The following NAF1 variants were observed in gnomAD, a reference collection of about 807,000 sequenced individuals.
NAF1 encodes nuclear assembly factor 1 ribonucleoprotein.
Under a neutral mutation model 40.6 loss-of-function variants are expected in NAF1, and 11 were observed. That is an observed-to-expected ratio of 0.27 (90% CI 0.17 to 0.45). The LOEUF is 0.45. NAF1 is among the 20% of genes least tolerant of loss of function. The pLI is 1.00. For missense variants in NAF1, 607 were observed against 611.1 expected (o/e 0.99, Z 0.07); for synonymous variants, 260 against 228.5 (o/e 1.14, Z -1.24).
At chr4:163,107,355 T>C (rs969079258), downstream of NAF1, among the ~76,000 whole-genome samples, 2 of 152,214 alleles carry the variant, frequency 1.3e-5, no homozygotes, top group African/African-American at 4.8e-5. Context: ...AGCAAGTCTC[T>C]ATGTGTACTT....
rs1368557463 is a variant in NAF1 at position 163,128,987 on chromosome 4, T to G, written c.1395A>C (p.Pro465=). 4 of 1,523,952 alleles carry G rather than the reference T, an allele frequency of 2.6e-6. No homozygotes were observed. The East Asian group carries it at 7.1e-5, about 27-fold the overall frequency. The allele number at this position is 1,523,952 out of a possible 1,614,324, so 94.4% of individuals were successfully genotyped here. ...NMAAHPLLNL[P]YSLPPPPPPP... ...GGGGAGGGGGTGGGGGTAGGGAGTA[T>G]GGTAAGTTAAGTAATGGATGAGCAG... The change falls in exon 8 of 8, where the codon CCA becomes CCC. Residue 465 remains proline, a synonymous_variant. Coordinates refer to ENST00000274054, the MANE Select transcript of NAF1 (RefSeq NM_138386.3).
intron 2 of NAF1, among the ~76,000 whole-genome samples, chr4:163,161,147 G>T (rs1221075725): frequency 6.6e-6 from 1 of 151,966 alleles, no homozygotes; most frequent in Non-Finnish European, 1.5e-5. Context: ...TAGAGCCAGA[G>T]ATACTGAAAT....
Position 163,166,880 on chromosome 4 carries a change from C to G in NAF1, c.-153G>C. 1 of 995,668 alleles carries G rather than the reference C, an allele frequency of 1.0e-6. No individual in the cohort carries two copies. Among genetic ancestry groups the G allele is most frequent in the Non-Finnish European group, 1.4e-6 (1 of 700,600 alleles). The allele number at this position is 995,668 out of a possible 1,614,324, so 61.7% of individuals were successfully genotyped here. A position where few individuals can be genotyped will look rare whatever the true frequency, so the allele number is the denominator to read the frequency against. ...TCTCAGGTAACTACACGCGGAGGAG[C>G]CAAAAGACACGCCCCCGCCATTTAC... is the stretch of plus-strand genomic sequence containing the variant. On this transcript the variant is annotated 5_prime_UTR_variant, in exon 1 of 8. Transcript: ENST00000274054.
At chr4:163,164,003 T>C (rs1310613976) in intron 2 of NAF1, among the ~76,000 whole-genome samples, 2 of 152,104 alleles carry the variant, frequency 1.3e-5, no homozygotes, top group African/African-American at 4.8e-5. Flanking sequence ...TCGGAACAAT[T>C]ATCAAAGGTC....
In NAF1 at chr4:163,129,189, G is replaced by A; in HGVS notation, c.1193C>T (p.Ser398Leu). ...AGTCTCCTGAGATACCATATGTTCT[G>A]AGTTATAGAAATGCTGAGGTGGAGG... is the stretch of plus-strand genomic sequence containing the variant. ...GRPPPQHFYN[S>L]EHMVSQETSG... Residue 398 changes from serine (S) to leucine (L), a missense_variant, in exon 8 of 8, where the codon TCA becomes TTA. Transcript: ENST00000274054. 1.2e-6 allele frequency: 2 copies of A among 1,613,892 alleles called. No individual in the cohort carries two copies. Among genetic ancestry groups the A allele is most frequent in the African/African-American group, 1.3e-5 (1 of 75,044 alleles).
Position 163,129,048 on chromosome 4 carries a change from G to T in NAF1, c.1334C>A (p.Pro445Gln), listed in dbSNP as rs776473243. Residue 445 changes from proline (P) to glutamine (Q), a missense_variant, in exon 8 of 8, where the codon CCA becomes CAA. Pro to Gln is a moderately conservative substitution (Grantham distance 76, BLOSUM62 -1). Coordinates refer to ENST00000274054, the MANE Select transcript of NAF1 (RefSeq NM_138386.3). ...TGTAGCCCAACCCATGTTTACAGGTGGGGGTGGTGGTGGGGGTGGAGGGCG... is the reference window on the plus strand; with the variant it reads ...TGTAGCCCAACCCATGTTTACAGGTTGGGGTGGTGGTGGGGGTGGAGGGCG... ...PLRPPPPPPP[P>Q]PVNMGWATPN... 26 of 1,538,682 alleles carry T rather than the reference G, an allele frequency of 1.7e-5. No individual in the cohort carries two copies. Among genetic ancestry groups the T allele is most frequent in the South Asian group, 3.6e-5 (3 of 83,752 alleles).
In NAF1 at chr4:163,166,433, G is replaced by A. The variant is rs758040980; in HGVS notation, c.295C>T (p.Pro99Ser). ...GCCCGCGCAGGCTCTGCGGCTCCTG[G>A]GGAGGTGACGCAGTCTCCGCAGGCC... is the stretch of plus-strand genomic sequence containing the variant. ...SPACGDCVTS[P>S]GAAEPARAPD... Residue 99 changes from proline (P) to serine (S), a missense_variant, in exon 1 of 8, where the codon CCA (proline) becomes TCA (serine). Around this residue, in one of 3 missense-constraint regions of NAF1, gnomAD observed 407 missense variants for 365.5 expected, o/e 1.11. Coordinates refer to ENST00000274054, the MANE Select transcript of NAF1 (RefSeq NM_138386.3). 9.3e-6 allele frequency: 15 copies of A among 1,607,962 alleles called. No homozygotes were observed. Among genetic ancestry groups the A allele is most frequent in the African/African-American group, 1.3e-5 (1 of 74,868 alleles).
At chr4:163,166,107 T>C (rs1732449609) in intron 1 of NAF1, among the ~76,000 whole-genome samples, 1 of 152,276 alleles carries the variant, frequency 6.6e-6, no homozygotes, top group Middle Eastern at 3.4e-3. Flanking sequence ...TGATACGATC[T>C]ATACATAGAA....
chr4:163,147,327 T>G (rs546431980), intron 3 of NAF1, among the ~76,000 whole-genome samples: 2 of 152,268 alleles, frequency 1.3e-5, no homozygotes, highest in Non-Finnish European at 2.9e-5. Context: ...TGACTTGAAT[T>G]TTTCTGTTTC....
At chr4:163,124,372 A>G (rs545791329), downstream of NAF1, among the ~76,000 whole-genome samples, 2 of 152,126 alleles carry the variant, frequency 1.3e-5, no homozygotes. Flanking sequence ...AGCAAAATGG[A>G]TCTAAGCCAG....
At chr4:163,139,271 G>T (rs148402692) in intron 5 of NAF1, among the ~76,000 whole-genome samples, 3 of 152,142 alleles carry the variant, frequency 2.0e-5, no homozygotes, top group African/African-American at 7.2e-5. Flanking sequence ...TATCGCCTAG[G>T]TTTTAAGTCT....
chr4:163,120,887 G>C (rs576193148), intron 2 of NAF1, among the ~76,000 whole-genome samples: 1 of 151,794 alleles, frequency 6.6e-6, no homozygotes, highest in Non-Finnish European at 1.5e-5. Context: ...CAAGTCCTTT[G>C]GTCTGATTTA....
intron 1 of NAF1, 29 bp downstream of exon 1, chr4:163,166,334 C>T (rs977039159): frequency 1.3e-6 from 2 of 1,550,038 alleles, no homozygotes; most frequent in Non-Finnish European, 8.7e-7. Context: ...GACCTCTCCC[C>T]ACAGCTCCGG....
intron 2 of NAF1, among the ~76,000 whole-genome samples, chr4:163,157,897 C>A (rs922570030): frequency 1.1e-4 from 17 of 151,984 alleles, no homozygotes; most frequent in African/African-American, 3.6e-4. Context: ...TCAAAAGTGG[C>A]CCTCTGAAAA....
At chr4:163,125,034 T>A (rs554060056), downstream of NAF1, among the ~76,000 whole-genome samples, 21 of 152,282 alleles carry the variant, frequency 1.4e-4, 1 homozygote, top group African/African-American at 5.1e-4. Flanking sequence ...GATGTTACTA[T>A]TGTTTTGGAG....
intron 2 of NAF1, among the ~76,000 whole-genome samples, chr4:163,116,287 TACC>T (rs1405275505): frequency 3.5e-4 from 53 of 152,328 alleles, no homozygotes; most frequent in African/African-American, 1.1e-3. Flanking sequence ...ATGAAACTGC[TACC>T]ACAAGTGTCC....
downstream of NAF1, among the ~76,000 whole-genome samples, chr4:163,106,123 T>G (rs544487217): frequency 6.6e-5 from 10 of 152,274 alleles, no homozygotes; most frequent in South Asian, 1.9e-3. Context: ...TCATTTGGAT[T>G]TGAACCAGGA....
Position 163,128,714 on chromosome 4 carries a change from G to T in NAF1, c.*183C>A. 9.0e-7 allele frequency: 1 copy of T among 1,116,132 alleles called. No individual in the cohort carries two copies. Among genetic ancestry groups the T allele is most frequent in the Non-Finnish European group, 1.1e-6 (1 of 878,340 alleles). 69.1% of individuals were successfully genotyped at this position (1,116,132 alleles called of 1,614,324 possible). On this transcript the variant is annotated 3_prime_UTR_variant, in exon 8 of 8. Coordinates refer to ENST00000274054, the MANE Select transcript of NAF1 (RefSeq NM_138386.3). ...ATTTAATGTTCTCCCAAGAATTTGA[G>T]CTGACATTTTCATATGAATACAATT...
chr4:163,127,187 T>A, downstream of NAF1: 13 of 1,489,696 alleles, frequency 8.7e-6, no homozygotes, highest in Non-Finnish European at 1.1e-5. Context: ...TGGAGTGCAA[T>A]GGTGTGATCT....
Sources: allele counts gnomAD v4.1 joint callset (sites outside exome capture counted in the v4.1 genomes callset), GRCh38; gene constraint gnomAD v4.1.1; regional missense constraint gnomAD v4.1.1; transcripts MANE v1.5; gene names NCBI Gene and HGNC (gene_info 2026-07-23, HGNC 2026-07-21).